PLPP1: variants seen among roughly 807,000 people sequenced by gnomAD.
PLPP1 encodes lipid phosphate phosphohydrolase 1a.
Under a neutral mutation model 31.2 loss-of-function variants are expected in PLPP1, and 24 were observed. The ratio of observed to expected loss-of-function variants is 0.77; its 90% CI spans 0.56 to 1.08. The LOEUF (loss-of-function observed/expected upper bound fraction) is 1.08. PLPP1 is among the 50% of genes least tolerant of loss of function. The pLI is 0.00. For synonymous variants in PLPP1, 146 were observed against 126.3 expected, an observed-to-expected ratio of 1.16 and a Z score of -1.05; for missense variants, 319 against 342.7, an observed-to-expected ratio of 0.93 and a Z score of 0.55.
At chr5:55,442,343 T>C (rs1279843955) in intron 3 of PLPP1, among the ~76,000 whole-genome samples, 2 of 152,094 alleles carry the variant, frequency 1.3e-5, no homozygotes, top group African/African-American at 4.8e-5. Context: ...GATTGCTTTT[T>C]TCCATCCATA....
At chr5:55,430,515 A>G (rs187658660) in intron 4 of PLPP1, among the ~76,000 whole-genome samples, 36 of 152,340 alleles carry the variant, frequency 2.4e-4, no homozygotes, top group African/African-American at 8.7e-4. Flanking sequence ...CTGAGACTAC[A>G]CTATTGCATG....
chr5:55,497,997 C>T (rs1421294968), intron 1 of PLPP1, among the ~76,000 whole-genome samples: 2 of 149,666 alleles, frequency 1.3e-5, no homozygotes, highest in Non-Finnish European at 3.0e-5. Flanking sequence ...TGACAGAAAG[C>T]AGGTCCACAG....
intron 4 of PLPP1, among the ~76,000 whole-genome samples, chr5:55,436,613 G>A (rs1751499083): frequency 6.6e-6 from 1 of 152,206 alleles, no homozygotes; most frequent in Admixed American, 6.5e-5. Flanking sequence ...GGCTCCGCTT[G>A]TGAAGAGCCT....
intron 1 of PLPP1, among the ~76,000 whole-genome samples, chr5:55,522,895 T>A (rs540290841): frequency 4.6e-5 from 7 of 152,076 alleles, no homozygotes; most frequent in African/African-American, 1.7e-4. Flanking sequence ...ATTTTTTGTA[T>A]TTTTAGTACA....
At position 55,493,879 on chromosome 5, in the gene PLPP1, C is replaced by CAA. The variant is rs35683543; in HGVS notation, c.59-18431_59-18430dup. Among the ~76,000 whole-genome samples the CAA allele has an allele frequency of 1.9e-4, 18 of 95,722 alleles. 1 individual carries two copies. Among genetic ancestry groups the CAA allele is most frequent in the South Asian group, 6.6e-4 (2 of 3,026 alleles). 62.8% of individuals were successfully genotyped at this position (95,722 alleles called of 152,430 possible). On this transcript the variant is annotated intron_variant, in intron 1 of 5. Transcript: ENST00000307259. ...TGGGCGACAGAGCGAGACTCCATCTCAAAAAAAAAAAAAAAAAATAGCTGG... is the reference window on the plus strand; with the variant it reads ...TGGGCGACAGAGCGAGACTCCATCTCAAAAAAAAAAAAAAAAAAAATAGCTGG...
At chr5:55,475,274 A>G (rs1194893134) in intron 2 of PLPP1, 25 bp downstream of exon 2, 2 of 1,585,830 alleles carry the variant, frequency 1.3e-6, no homozygotes, top group African/African-American at 2.7e-5. Flanking sequence ...AAAGTTATAA[A>G]CTTGGAAAAG....
chr5:55,532,920 C>T (rs1402671325), intron 1 of PLPP1, among the ~76,000 whole-genome samples: 5 of 148,078 alleles, frequency 3.4e-5, no homozygotes, highest in Non-Finnish European at 5.9e-5. Flanking sequence ...CGCGCCACTG[C>T]ACTCCAGCCT....
chr5:55,525,591 C>A (rs561149895), intron 1 of PLPP1, among the ~76,000 whole-genome samples: 11 of 152,286 alleles, frequency 7.2e-5, no homozygotes, highest in African/African-American at 1.7e-4. Flanking sequence ...CCACCTCAGT[C>A]CCCCAAAGTG....
At chr5:55,500,076 A>ATT (rs1561248209) in intron 1 of PLPP1, among the ~76,000 whole-genome samples, 1 of 115,466 alleles carries the variant, frequency 8.7e-6, no homozygotes, top group African/African-American at 3.3e-5. Context: ...TTTCTCTAAA[A>ATT]ATTTTTTTTT....
chr5:55,428,497 A>T (rs968114120), intron 4 of PLPP1, among the ~76,000 whole-genome samples: 7 of 152,318 alleles, frequency 4.6e-5, no homozygotes, highest in African/African-American at 1.7e-4. Context: ...CTTGCCAGCA[A>T]AAGTTTCCTA....
At chr5:55,515,020 G>A (rs1753525937) in intron 1 of PLPP1, among the ~76,000 whole-genome samples, 3 of 152,204 alleles carry the variant, frequency 2.0e-5, no homozygotes, top group Non-Finnish European at 4.4e-5. Flanking sequence ...AATCCGTGAC[G>A]TAGACAGTAT....
At chr5:55,434,252 T>C (rs1007987879) in intron 4 of PLPP1, among the ~76,000 whole-genome samples, 4 of 151,524 alleles carry the variant, frequency 2.6e-5, no homozygotes, top group Admixed American at 2.0e-4. Flanking sequence ...CAAAGGAGAC[T>C]GCAAAACACT....
At chr5:55,506,983 T>A in intron 1 of PLPP1, among the ~76,000 whole-genome samples, 1 of 152,204 alleles carries the variant, frequency 6.6e-6, no homozygotes, top group East Asian at 1.9e-4. Flanking sequence ...AAATATGCAA[T>A]ATATTTCTTG....
chr5:55,440,263 G>A (rs181965895), intron 4 of PLPP1, among the ~76,000 whole-genome samples: 66 of 152,204 alleles, frequency 4.3e-4, no homozygotes, highest in African/African-American at 1.6e-3. Context: ...CTAGCCCAGG[G>A]CATACAAAGC....
At chr5:55,484,065 C>T (rs1752726119) in intron 1 of PLPP1, among the ~76,000 whole-genome samples, 1 of 152,078 alleles carries the variant, frequency 6.6e-6, no homozygotes, top group Non-Finnish European at 1.5e-5. Flanking sequence ...TCAACTAGGC[C>T]TCAACCTTGG....
intron 3 of PLPP1, among the ~76,000 whole-genome samples, chr5:55,447,455 C>T (rs990621829): frequency 2.0e-5 from 3 of 152,138 alleles, no homozygotes; most frequent in Non-Finnish European, 2.9e-5. Context: ...TGTTTAAAGA[C>T]TTATAATTGT....
At chr5:55,468,740 T>C (rs992226495) in intron 2 of PLPP1, among the ~76,000 whole-genome samples, 3 of 151,934 alleles carry the variant, frequency 2.0e-5, no homozygotes, top group South Asian at 4.2e-4. Flanking sequence ...GAGGCAGAGG[T>C]TGCAGTGAGC....
chr5:55,426,591 G>A (rs1407907462), intron 4 of PLPP1, among the ~76,000 whole-genome samples: 1 of 147,654 alleles, frequency 6.8e-6, no homozygotes, highest in African/African-American at 2.5e-5. Context: ...TTTTTTTATA[G>A]AGATGGGGGT....
intron 4 of PLPP1, among the ~76,000 whole-genome samples, chr5:55,428,025 G>A (rs968060997): frequency 6.6e-6 from 1 of 152,142 alleles, no homozygotes; most frequent in South Asian, 2.1e-4. Flanking sequence ...GACCTCAGGT[G>A]ATCCACCCAC....
Sources: allele counts gnomAD v4.1 joint callset (sites outside exome capture counted in the v4.1 genomes callset), GRCh38; gene constraint gnomAD v4.1.1; transcripts MANE v1.5; gene names NCBI Gene and HGNC (gene_info 2026-07-23, HGNC 2026-07-21).